The following TJP1 variants were observed in gnomAD, a reference collection of about 807,000 sequenced individuals.
The protein encoded by TJP1 is tight junction protein 1.
A neutral mutation model predicts 194.2 loss-of-function variants in TJP1; 43 were observed. The ratio of observed to expected loss-of-function variants is 0.22; its 90% confidence interval spans 0.17 to 0.29. The LOEUF (loss-of-function observed/expected upper bound fraction) is 0.29, where lower values mean the gene tolerates loss of function less well. Among genes scored for constraint, TJP1 ranks in the 10% least tolerant of loss-of-function variants. The pLI, the probability that TJP1 is intolerant of heterozygous loss-of-function variation, is 1.00. For synonymous variants in TJP1, 801 were observed against 779.0 expected, an observed-to-expected ratio of 1.03 and a Z score of -0.47; for missense variants, 1,971 against 2,185.7, an observed-to-expected ratio of 0.90 and a Z score of 1.96.
intron 9 of TJP1, among the ~76,000 whole-genome samples, 179 bp from the exon 10 acceptor site, chr15:29,741,615 TAC>T (rs1293681599): frequency 6.6e-6 from 1 of 152,226 alleles, no homozygotes; most frequent in Non-Finnish European, 1.5e-5. Context: ...GTAGGTATGT[TAC>T]ACAGTCACCT....
chr15:29,726,616 G>GACTAGTT, intron 17 of TJP1, 137 bp from the exon 18 acceptor site: 1 of 1,125,864 alleles, frequency 8.9e-7, no homozygotes. Context: ...TTTCTATTTT[G>GACTAGTT]CTACTGTATA....
chr15:29,774,301 A>G (rs564302162), intron 2 of TJP1, among the ~76,000 whole-genome samples: 1 of 152,134 alleles, frequency 6.6e-6, no homozygotes, highest in Non-Finnish European at 1.5e-5. Flanking sequence ...CAAAGCCTAT[A>G]GAAGTAGCAA....
At chr15:29,958,838 T>C (rs2056047815) in intron 1 of TJP1, among the ~76,000 whole-genome samples, 1 of 152,240 alleles carries the variant, frequency 6.6e-6, no homozygotes, top group Admixed American at 6.5e-5. Flanking sequence ...TCAGGTTTCC[T>C]GGCTTCTTGT....
intron 5 of TJP1, among the ~76,000 whole-genome samples, chr15:29,765,400 G>A (rs1215195893): frequency 6.6e-6 from 1 of 152,148 alleles, no homozygotes; most frequent in East Asian, 1.9e-4. Context: ...ATATCAAAAT[G>A]ATCAGTCATG....
At chr15:29,943,042 G>A (rs905522050) in intron 2 of TJP1, among the ~76,000 whole-genome samples, 1 of 152,168 alleles carries the variant, frequency 6.6e-6, no homozygotes, top group Non-Finnish European at 1.5e-5. Context: ...CTTTCTCCTG[G>A]AGACAGATGA....
At chr15:29,736,877 G>C (rs2044067693) in intron 11 of TJP1, among the ~76,000 whole-genome samples, 11 of 152,214 alleles carry the variant, frequency 7.2e-5, no homozygotes, top group Admixed American at 7.2e-4. Flanking sequence ...AGGAACACTT[G>C]ATGTTGCTTG....
chr15:29,787,099 G>A lies in TJP1; in HGVS notation c.84+13547C>T, dbSNP rs45549231. 3.7e-4 allele frequency among the ~76,000 whole-genome samples: 56 copies of A among 152,234 alleles called. No individual in the cohort carries two copies. In the East Asian group the frequency reaches 8.1e-3, roughly 22 times the overall value. On this transcript the variant is annotated intron_variant, in intron 2 of 27. Transcript: ENST00000614355. Reference sequence around the variant, plus strand: ...GACAGCAGTTTGGAGCTGCTTGACCGATAAAATTCCTTTTATCACTTTACT... The same window carrying A: ...GACAGCAGTTTGGAGCTGCTTGACCAATAAAATTCCTTTTATCACTTTACT...
intron 2 of TJP1, among the ~76,000 whole-genome samples, chr15:29,865,795 T>C (rs752593959): frequency 1.3e-5 from 2 of 151,976 alleles, no homozygotes; most frequent in Non-Finnish European, 2.9e-5. Flanking sequence ...AAAAGTCACA[T>C]AAAGCGAGGT....
chr15:29,719,247 GT>G (rs1323498873), intron 20 of TJP1, 109 bp from the exon 21 acceptor site: 14 of 1,254,148 alleles, frequency 1.1e-5, no homozygotes, highest in Non-Finnish European at 1.5e-5. Context: ...AAAATGGTAT[GT>G]TTTACCATTT....
chr15:29,714,917 C>T (rs1260334491), intron 23 of TJP1, among the ~76,000 whole-genome samples: 2 of 152,128 alleles, frequency 1.3e-5, no homozygotes, highest in Non-Finnish European at 2.9e-5. Flanking sequence ...AAACTAAACA[C>T]CTGAGCCTTC....
In TJP1 at chr15:29,949,988, TCCACCACCA is replaced by T. The variant is rs1453478135; in HGVS notation, c.306+6235_306+6243del. Among the ~76,000 whole-genome samples the T allele has an allele frequency of 3.2e-3, 30 of 9,490 alleles. 9 individuals carry two copies. Among genetic ancestry groups the T allele is most frequent in the East Asian group, 0.038 (2 of 52 alleles). The allele number at this position is 9,490 out of a possible 152,430, so 6.2% of individuals were successfully genotyped here. A position where few individuals can be genotyped will look rare whatever the true frequency, so the allele number is the denominator to read the frequency against. On this transcript the variant is annotated intron_variant, in intron 2 of 28. Transcript: ENST00000356107. ...CACCACAACCATCTTCACCACCACC[TCCACCACCA>T]CCACCTCCACAACCACCACCTCCAC...
chr15:29,879,375 G>C (rs1049396296), intron 2 of TJP1, among the ~76,000 whole-genome samples: 3 of 152,204 alleles, frequency 2.0e-5, no homozygotes, highest in Admixed American at 1.3e-4. Context: ...CCAGTGGACA[G>C]ACGCCTCCCT....
At chr15:29,710,724 G>GTTTCAA in intron 24 of TJP1, 107 bp downstream of exon 24, 1 of 1,412,656 alleles carries the variant, frequency 7.1e-7, no homozygotes, top group Non-Finnish European at 9.8e-7. Context: ...CAGCCCAAAG[G>GTTTCAA]TTTCAAGCAT....
intron 26 of TJP1, 23 bp downstream of exon 26, chr15:29,705,505 A>T (rs368319607): frequency 1.2e-5 from 20 of 1,612,128 alleles, no homozygotes; most frequent in Non-Finnish European, 1.5e-5. Context: ...ATCAAAACTA[A>T]GGAGAAAAAT....
rs1024325380 is a variant in TJP1 at position 29,844,710 on chromosome 15, C to T, written c.307-44008G>A. Among the ~76,000 whole-genome samples the T allele has an allele frequency of 5.3e-5, 8 of 151,994 alleles. No individual in the cohort carries two copies. The East Asian group carries it at 5.8e-4, about 11-fold the overall frequency. ...TGATGTCAGGAGCAAGTTTGGGGCA[C>T]GTTATATGTGAGTCATGTATTACAT... On this transcript the variant is annotated intron_variant, in intron 2 of 28. Coordinates refer to the TJP1 transcript ENST00000356107.
At chr15:29,946,636 G>A (rs2152292686) in intron 2 of TJP1, among the ~76,000 whole-genome samples, 1 of 152,328 alleles carries the variant, frequency 6.6e-6, no homozygotes, top group South Asian at 2.1e-4. Flanking sequence ...GGCCATGAAG[G>A]ACAGGGAAAG....
intron 2 of TJP1, among the ~76,000 whole-genome samples, chr15:29,856,297 C>T (rs2051848453): frequency 6.6e-6 from 1 of 152,092 alleles, no homozygotes; most frequent in South Asian, 2.1e-4. Context: ...ATACATAATA[C>T]AATACAACAT....
At chr15:29,870,502 C>T (rs1277245961) in intron 2 of TJP1, among the ~76,000 whole-genome samples, 1 of 152,168 alleles carries the variant, frequency 6.6e-6, no homozygotes, top group East Asian at 1.9e-4. Context: ...AACTCTTAAG[C>T]TTGGAAACTA....
intron 2 of TJP1, among the ~76,000 whole-genome samples, chr15:29,853,841 T>G (rs568321116): frequency 2.6e-5 from 4 of 152,330 alleles, no homozygotes; most frequent in Admixed American, 2.6e-4. Context: ...TATCCTTTAT[T>G]GAGAATGACT....
Sources: allele counts gnomAD v4.1 joint callset (sites outside exome capture counted in the v4.1 genomes callset), GRCh38; gene constraint gnomAD v4.1.1; transcripts MANE v1.5; gene names NCBI Gene and HGNC (gene_info 2026-07-23, HGNC 2026-07-21).